Variants in GTF3C1 observed in about 807,000 individuals in gnomAD.
The protein encoded by GTF3C1 is general transcription factor IIIC subunit 1.
In GTF3C1, 57 loss-of-function variants were observed where a neutral mutation model predicts 226.7. The observed-to-expected ratio is 0.25, with a 90% CI of 0.20 to 0.31. The LOEUF is 0.31. GTF3C1 is among the 10% of genes least tolerant of loss of function. The pLI is 1.00. For synonymous variants in GTF3C1, 1,090 were observed against 1,084.8 expected, an observed-to-expected ratio of 1.00 and a Z score of -0.09; for missense variants, 2,217 against 2,776.1, an observed-to-expected ratio of 0.80 and a Z score of 4.53.
rs752804543 is a variant in GTF3C1 at position 27,533,325 on chromosome 16, T to C, written c.815A>G (p.His272Arg). The change falls in exon 5 of 37, where the codon CAC becomes CGC. Residue 272 changes from histidine (H) to arginine (R), a missense_variant. This residue lies in a region of GTF3C1 where 163 missense variants were observed against 234.3 expected (regional missense o/e 0.70). Transcript: ENST00000356183. ...CCTCAGCTTTCCCAGCGTCTCTATG[T>C]GGTTAGTCCGTGTGCTCAGCATGAC... The part of the protein sequence containing the change: ...LSVMLSTRTN[H>R]IETLGKLREE... 12 of 1,606,736 alleles carry C rather than the reference T, an allele frequency of 7.5e-6. No individual in the cohort carries two copies. The Admixed American group carries it at 1.2e-4, about 16-fold the overall frequency.
At chr16:27,497,999 G>A (rs1427920353) in intron 13 of GTF3C1, among the ~76,000 whole-genome samples, 178 bp from the exon 14 acceptor site, 1 of 152,200 alleles carries the variant, frequency 6.6e-6, no homozygotes, top group African/African-American at 2.4e-5. Flanking sequence ...ACTTTTGGGG[G>A]TGGTGGGGAT....
chr16:27,524,984 T>C (rs574897446), intron 6 of GTF3C1, among the ~76,000 whole-genome samples: 250 of 152,082 alleles, frequency 1.6e-3, no homozygotes, highest in African/African-American at 5.6e-3. Flanking sequence ...TAAAACCCCA[T>C]CTCTACTAAA....
intron 1 of GTF3C1, among the ~76,000 whole-genome samples, chr16:27,547,287 C>T (rs1596668797): frequency 6.6e-6 from 1 of 152,230 alleles, no homozygotes; most frequent in Non-Finnish European, 1.5e-5. Context: ...GAATGACTCA[C>T]AGATGTCTAG....
chr16:27,541,146 G>A (rs960571656), intron 2 of GTF3C1, among the ~76,000 whole-genome samples: 10 of 152,192 alleles, frequency 6.6e-5, no homozygotes, highest in African/African-American at 2.4e-4. Flanking sequence ...AGGCAAAGAG[G>A]TGACGCTTGT....
chr16:27,477,202 C>G (rs193298221), intron 28 of GTF3C1, among the ~76,000 whole-genome samples: 35 of 152,292 alleles, frequency 2.3e-4, no homozygotes, highest in African/African-American at 7.7e-4. Flanking sequence ...CAAGACCAAC[C>G]CCTCCTCTTC....
chr16:27,514,673 T>G (rs1437856107), intron 6 of GTF3C1, among the ~76,000 whole-genome samples: 1 of 152,176 alleles, frequency 6.6e-6, no homozygotes, highest in East Asian at 1.9e-4. Context: ...AGGCTCCCCG[T>G]GTACCCTATG....
Position 27,478,531 on chromosome 16 carries a change from C to A in GTF3C1, c.4197G>T (p.Arg1399Ser), listed in dbSNP as rs145005020. The change falls in exon 28 of 37, where the codon AGG (arginine) becomes AGT (serine). Residue 1399 changes from arginine to serine, a missense_variant and splice_region_variant. Coordinates refer to ENST00000356183, the MANE Select transcript of GTF3C1 (RefSeq NM_001520.4). ...CATCCCCAATTGCCAAAACTCGGTA[C>A]CTGCAAAAGAAACATAACAGCATGT... The part of the protein sequence containing the change: ...IPDTLQELFA[R>S]YRVLAIGDEK... 3 of 1,609,048 alleles carry A rather than the reference C, an allele frequency of 1.9e-6. No homozygotes were observed. In the South Asian group the frequency reaches 3.3e-5, roughly 18 times the overall value.
intron 27 of GTF3C1, among the ~76,000 whole-genome samples, chr16:27,479,139 G>C (rs985694692): frequency 6.6e-6 from 1 of 152,182 alleles, no homozygotes; most frequent in Non-Finnish European, 1.5e-5. Context: ...AAAGAAGTTG[G>C]TGAGGCGACA....
chr16:27,480,292 T>C (rs1451031738), intron 27 of GTF3C1, among the ~76,000 whole-genome samples: 3 of 151,986 alleles, frequency 2.0e-5, no homozygotes, highest in Non-Finnish European at 2.9e-5. Context: ...GGCCATTGGA[T>C]TGACTTGAAA....
Position 27,463,898 on chromosome 16 carries a change from C to G in GTF3C1, c.5873-306G>C, listed in dbSNP as rs910426176. The G allele has an allele frequency of 1.3e-5, 6 of 447,566 alleles. No homozygotes were observed. Among genetic ancestry groups the G allele is most frequent in the Admixed American group, 4.5e-5 (1 of 22,434 alleles). The allele number at this position is 447,566 out of a possible 1,614,324, so 27.7% of individuals were successfully genotyped here. ...CCCCGACCACAAGGGTGGTATAAAACCCGAGGCAAAAACACCCCAAAGAAA... is the reference window on the plus strand; with the variant it reads ...CCCCGACCACAAGGGTGGTATAAAAGCCGAGGCAAAAACACCCCAAAGAAA... On this transcript the variant is annotated intron_variant, in intron 34 of 36. Transcript: ENST00000356183. This position sits in a 1 kb window ranked among gnomAD's most constrained non-coding sequence, Gnocchi z 4.9.
At chr16:27,477,059 T>G (rs1461816095) in intron 28 of GTF3C1, among the ~76,000 whole-genome samples, 1 of 152,212 alleles carries the variant, frequency 6.6e-6, no homozygotes, top group Non-Finnish European at 1.5e-5. Flanking sequence ...AAGGGCCAGT[T>G]AATACATGCT....
At chr16:27,481,446 C>T (rs2088046565) in intron 26 of GTF3C1, among the ~76,000 whole-genome samples, 1 of 152,134 alleles carries the variant, frequency 6.6e-6, no homozygotes, top group African/African-American at 2.4e-5. Flanking sequence ...CACCGACAGC[C>T]TCACCCTGCA....
Position 27,493,425 on chromosome 16 carries a change from G to A in GTF3C1, c.2779-129C>T, listed in dbSNP as rs1397441617. On this transcript the variant is annotated intron_variant, in intron 16 of 36. Transcript: ENST00000356183. ...ACCTGCCCACTGGGCTCTCCTTCCT[G>A]CCCCACCAAGTGCCCCTGCATCTCT... The A allele has an allele frequency of 3.3e-5, 21 of 637,382 alleles. No homozygotes were observed. The East Asian group carries it at 6.0e-4, about 18-fold the overall frequency. The allele number at this position is 637,382 out of a possible 1,614,324, so 39.5% of individuals were successfully genotyped here.
chr16:27,537,955 T>C, intron 3 of GTF3C1, 28 bp from the exon 4 acceptor site: 1 of 1,609,558 alleles, frequency 6.2e-7, no homozygotes, highest in Non-Finnish European at 8.5e-7. Flanking sequence ...CCATGTCATT[T>C]GCTTTGCTGG....
At chr16:27,494,190 A>G (rs1440820469) in intron 16 of GTF3C1, among the ~76,000 whole-genome samples, 1 of 152,156 alleles carries the variant, frequency 6.6e-6, no homozygotes, top group Non-Finnish European at 1.5e-5. Flanking sequence ...TCACAAGGTC[A>G]GAAGATTGAG....
At chr16:27,527,276 G>A (rs993677635) in intron 6 of GTF3C1, among the ~76,000 whole-genome samples, 50 of 152,210 alleles carry the variant, frequency 3.3e-4, no homozygotes, top group African/African-American at 1.2e-3. Flanking sequence ...CTGCCTCCCA[G>A]GTTCAAGCGA....
chr16:27,461,584 G>A lies in GTF3C1; in HGVS notation c.6118-22C>T, dbSNP rs2087706926. 2 of 1,563,914 alleles carry A rather than the reference G, an allele frequency of 1.3e-6. No individual in the cohort carries two copies. The highest frequency in any genetic ancestry group is 1.7e-5 in the Admixed American group (1 of 59,926). ...GGCCCTGGAGACACCAGACACACAG[G>A]TTACAGCGGCACTGCCCTCGCCTGC... On this transcript the variant is annotated intron_variant, in intron 36 of 36. Coordinates refer to ENST00000356183, the MANE Select transcript of GTF3C1 (RefSeq NM_001520.4). The surrounding 1 kb of genome is among the most constrained non-coding windows in gnomAD (Gnocchi z 5.3).
At chr16:27,509,690 G>A (rs1297706870) in intron 7 of GTF3C1, among the ~76,000 whole-genome samples, 12 of 150,282 alleles carry the variant, frequency 8.0e-5, no homozygotes, top group Non-Finnish European at 1.3e-4. Context: ...CTTGGGAGGC[G>A]GAGCTTGCAG....
intron 12 of GTF3C1, among the ~76,000 whole-genome samples, chr16:27,498,988 G>C (rs1410018357): frequency 6.6e-6 from 1 of 152,186 alleles, no homozygotes; most frequent in African/African-American, 2.4e-5. Flanking sequence ...GAGAAATCTG[G>C]CCTGGACACA....
Sources: gnomAD v4.1 joint callset for allele counts (sites outside exome capture counted in the v4.1 genomes callset) on GRCh38, gnomAD v4.1.1 for gene constraint, gnomAD v4.1.1 regional missense constraint, Gnocchi (gnomAD v3.1) non-coding constraint, MANE v1.5 for transcripts, NCBI Gene and HGNC (gene_info 2026-07-23, HGNC 2026-07-21) for gene names.